CCDC40: variants seen among roughly 807,000 people sequenced by gnomAD.
CCDC40 encodes coiled-coil domain-containing protein 40.
CCDC40 carries 104 observed loss-of-function variants against 124.5 expected under a neutral mutation model. The ratio of observed to expected loss-of-function variants is 0.84; its 90% CI spans 0.71 to 0.98. The LOEUF (loss-of-function observed/expected upper bound fraction) is 0.98, where lower values mean the gene tolerates loss of function less well. Ranked by LOEUF, CCDC40 falls within the 50% of genes least tolerant of loss-of-function variation. The pLI, the probability that CCDC40 is intolerant of heterozygous loss-of-function variation, is 0.00. For synonymous variants in CCDC40, 580 were observed against 602.9 expected, an observed-to-expected ratio of 0.96 and a Z score of 0.56; for missense variants, 1,463 against 1,503.9, an observed-to-expected ratio of 0.97 and a Z score of 0.45.
At chr17:80,048,947 G>C (rs2037504114) in intron 5 of CCDC40, among the ~76,000 whole-genome samples, 186 bp downstream of exon 5, 1 of 152,150 alleles carries the variant, frequency 6.6e-6, no homozygotes, top group African/African-American at 2.4e-5. Context: ...TCTGAGGTTG[G>C]TATAGGTGAG....
chr17:80,075,329 G>C (rs2038286845), intron 10 of CCDC40, among the ~76,000 whole-genome samples: 1 of 149,292 alleles, frequency 6.7e-6, no homozygotes, highest in Non-Finnish European at 1.5e-5. Context: ...CCAGGCTGGA[G>C]TGCAGTGGCA....
intron 10 of CCDC40, among the ~76,000 whole-genome samples, chr17:80,079,080 C>T (rs996601971): frequency 1.3e-5 from 2 of 152,016 alleles, no homozygotes; most frequent in Non-Finnish European, 2.9e-5. Context: ...AACACAGCCA[C>T]ACACCACCAC....
chr17:80,056,591 G>C (rs1274448535), intron 7 of CCDC40, among the ~76,000 whole-genome samples: 2 of 152,144 alleles, frequency 1.3e-5, no homozygotes, highest in East Asian at 3.9e-4. Context: ...TCCAGCCTGG[G>C]TGACAAAGTG....
intron 17 of CCDC40, chr17:80,090,902 A>G: frequency 9.0e-6 from 7 of 776,618 alleles, no homozygotes; most frequent in Non-Finnish European, 1.1e-5. Flanking sequence ...ACCAAATTTA[A>G]TTGACTTTTC....
chr17:80,049,850 G>C, intron 5 of CCDC40, 56 bp from the exon 6 acceptor site: 1 of 1,500,398 alleles, frequency 6.7e-7, no homozygotes, highest in Non-Finnish European at 9.3e-7. Context: ...CTGAGCCCTG[G>C]GTCGGGCAGG....
rs200145304 is a variant in CCDC40, at chr17:80,037,677, AT to A, written c.30-440del. Among the ~76,000 whole-genome samples the A allele has an allele frequency of 2.2e-3, 249 of 114,088 alleles. 4 individuals carry two copies. Among genetic ancestry groups the A allele is most frequent in the Admixed American group, 3.9e-3 (43 of 11,100 alleles). 74.8% of individuals were successfully genotyped at this position (114,088 alleles called of 152,430 possible). On this transcript the variant is annotated intron_variant, in intron 1 of 19. Transcript: ENST00000397545. Reference sequence around the variant, plus strand: ...CAGATAAAAATAGCTTGAATCTTTAATTTTTTAAAAAAGATATACATATATA... The same window carrying A: ...CAGATAAAAATAGCTTGAATCTTTAATTTTTAAAAAAGATATACATATATA...
intron 17 of CCDC40, chr17:80,090,254 GGGACGCGCGCGGGCAC>G: frequency 2.4e-6 from 2 of 826,302 alleles, no homozygotes; most frequent in South Asian, 2.3e-5. Flanking sequence ...CGAACAACAC[GGGACGCGCGCGGGCAC>G]GTGCACGAAC....
chr17:80,069,286 C>T (rs2038129997), intron 10 of CCDC40, among the ~76,000 whole-genome samples: 1 of 152,102 alleles, frequency 6.6e-6, no homozygotes. Flanking sequence ...CATAATCTTG[C>T]CCCCGTGTCT....
intron 19 of CCDC40, among the ~76,000 whole-genome samples, chr17:80,099,289 TC>T (rs1379259009): frequency 2.0e-5 from 3 of 149,462 alleles, no homozygotes; most frequent in African/African-American, 7.5e-5. Flanking sequence ...AGACTCCATC[TC>T]AAAAAAAAAA....
At chr17:80,078,057 CA>C (rs1290876379) in intron 10 of CCDC40, among the ~76,000 whole-genome samples, 7 of 152,094 alleles carry the variant, frequency 4.6e-5, no homozygotes, top group East Asian at 3.8e-4. Flanking sequence ...AGGCCGGGCA[CA>C]GTGTGGCTCA....
chr17:80,059,259 T>C (rs974643527), intron 9 of CCDC40, among the ~76,000 whole-genome samples: 1 of 152,202 alleles, frequency 6.6e-6, no homozygotes, highest in Non-Finnish European at 1.5e-5. Flanking sequence ...GCCAGCTTGC[T>C]GCGGGGATGC....
intron 19 of CCDC40, among the ~76,000 whole-genome samples, chr17:80,098,334 C>T (rs2038848007): frequency 6.6e-6 from 1 of 152,190 alleles, no homozygotes; most frequent in Non-Finnish European, 1.5e-5. Flanking sequence ...CAGAGGAGGG[C>T]GTTGGGTCTG....
chr17:80,095,549 C>A, intron 18 of CCDC40, 98 bp downstream of exon 18: 2 of 1,171,962 alleles, frequency 1.7e-6, no homozygotes, highest in Non-Finnish European at 1.2e-6. Flanking sequence ...GGTGAGGATG[C>A]AGAGGCTGCA....
At chr17:80,050,753 T>G (rs1598489183) in intron 7 of CCDC40, among the ~76,000 whole-genome samples, 1 of 152,106 alleles carries the variant, frequency 6.6e-6, no homozygotes, top group East Asian at 1.9e-4. Flanking sequence ...TATAAATATG[T>G]TAAATGGCAC....
Position 80,086,360 on chromosome 17 carries a change from T to A in CCDC40, c.2449+144T>A. The stretch of plus-strand genomic sequence containing the variant: ...GCAAATAACAAACGCGCATGCTCCC[T>A]GTATTTTGTAAATGTGAACCACTGC... On this transcript the variant is annotated intron_variant, in intron 14 of 19. Transcript: ENST00000397545. The surrounding 1 kb of genome is among the most constrained non-coding windows in gnomAD (Gnocchi z 5.5). The A allele has an allele frequency of 1.4e-6, 1 of 693,144 alleles. No individual in the cohort carries two copies. Among genetic ancestry groups the A allele is most frequent in the Non-Finnish European group, 2.5e-6 (1 of 392,870 alleles). The allele number at this position is 693,144 out of a possible 1,614,324, so 42.9% of individuals were successfully genotyped here. A position where few individuals can be genotyped will look rare whatever the true frequency, so the allele number is the denominator to read the frequency against.
chr17:80,055,993 TATATATATATATA>T (rs1395010200), intron 7 of CCDC40, among the ~76,000 whole-genome samples: 134 of 11,902 alleles, frequency 0.011, 10 homozygotes, highest in Non-Finnish European at 0.024. Context: ...TATATATATA[TATATATATATATA>T]TATATATATA....
At position 80,039,343 on chromosome 17, in the gene CCDC40, G is replaced by A. The variant is rs2037211749; in HGVS notation, c.94-469G>A. Among the ~76,000 whole-genome samples the A allele has an allele frequency of 2.0e-5, 3 of 151,918 alleles. No homozygotes were observed. In the South Asian group the frequency reaches 6.2e-4, roughly 32 times the overall value. ...GATCACGCCACCGCACTCCAGCCTG[G>A]GCAGCAGAGTGAGCCCCTGTCACAA... On this transcript the variant is annotated intron_variant, in intron 2 of 19. Coordinates refer to ENST00000397545, the MANE Select transcript of CCDC40 (RefSeq NM_017950.4).
intron 2 of CCDC40, among the ~76,000 whole-genome samples, chr17:80,039,574 G>T (rs957990095): frequency 6.6e-6 from 1 of 151,728 alleles, no homozygotes; most frequent in Non-Finnish European, 1.5e-5. Context: ...ACCATACCCA[G>T]CTAATTTTTG....
intron 10 of CCDC40, among the ~76,000 whole-genome samples, chr17:80,077,992 A>G (rs1331428168): frequency 6.6e-6 from 1 of 152,076 alleles, no homozygotes; most frequent in East Asian, 1.9e-4. Flanking sequence ...CTTATTAAAT[A>G]TTTTCTTTCC....
Sources: gnomAD v4.1 joint callset for allele counts (sites outside exome capture counted in the v4.1 genomes callset) on GRCh38, gnomAD v4.1.1 for gene constraint, Gnocchi (gnomAD v3.1) non-coding constraint, MANE v1.5 for transcripts, NCBI Gene and HGNC (gene_info 2026-07-23, HGNC 2026-07-21) for gene names.